The following COL12A1 variants were observed in gnomAD, a reference collection of about 807,000 sequenced individuals.
The protein encoded by COL12A1 is collagen alpha-1(XII) chain.
COL12A1 carries 114 observed loss-of-function variants against 349.7 expected under a neutral mutation model. That is an observed-to-expected ratio of 0.33 (90% confidence interval 0.28 to 0.38). The LOEUF (loss-of-function observed/expected upper bound fraction) is 0.38. Ranked by LOEUF, COL12A1 falls within the 10% of genes least tolerant of loss-of-function variation. COL12A1 has a pLI of 1.00. For synonymous variants in COL12A1, 1,369 were observed against 1,329.0 expected (o/e 1.03, Z -0.66); for missense variants, 3,284 against 3,756.9 (o/e 0.87, Z 3.29).
intron 11 of COL12A1, among the ~76,000 whole-genome samples, chr6:75,180,363 A>G (rs1156438587): frequency 6.6e-6 from 1 of 152,052 alleles, no homozygotes; most frequent in Non-Finnish European, 1.5e-5. Context: ...GAAGGAGGGA[A>G]TGGGGAGTTA....
At chr6:75,105,619 C>A (rs10046165) in intron 53 of COL12A1, among the ~76,000 whole-genome samples, 5,863 of 152,124 alleles carry the variant, frequency 0.039, 382 homozygotes, top group African/African-American at 0.13. Flanking sequence ...ATCCAAAATT[C>A]TTTCCTCTTT....
chr6:75,127,572 C>T (rs182672884), intron 38 of COL12A1, among the ~76,000 whole-genome samples: 2 of 152,262 alleles, frequency 1.3e-5, no homozygotes, highest in African/African-American at 4.8e-5. Context: ...TTCATCCTAC[C>T]TTTATGCTAA....
At chr6:75,160,114 CATT>C (rs759818534) in intron 14 of COL12A1, among the ~76,000 whole-genome samples, 12 of 150,370 alleles carry the variant, frequency 8.0e-5, no homozygotes, top group Admixed American at 1.3e-4. Context: ...ATTTTTACAT[CATT>C]GATTGGATAC....
intron 12 of COL12A1, among the ~76,000 whole-genome samples, 169 bp from the exon 13 acceptor site, chr6:75,175,479 C>T (rs974631282): frequency 1.3e-5 from 2 of 152,212 alleles, no homozygotes; most frequent in African/African-American, 4.8e-5. Context: ...ATCTCTGAAT[C>T]AGACCCTATA....
Position 75,175,121 on chromosome 6 carries a change from C to A in COL12A1, c.2627G>T (p.Gly876Val). 6.2e-7 allele frequency: 1 copy of A among 1,614,124 alleles called. No individual in the cohort carries two copies. Among genetic ancestry groups the A allele is most frequent in the Non-Finnish European group, 8.5e-7 (1 of 1,180,028 alleles). The change falls in exon 13 of 66, where the codon GGG (glycine) becomes GTG (valine). Residue 876 changes from glycine (G) to valine (V), a missense_variant. Coordinates refer to ENST00000322507, the MANE Select transcript of COL12A1 (RefSeq NM_004370.6). ...TNTVLQGLKEGTQYALSVTAL... is the reference protein window; with the variant it reads ...TNTVLQGLKEVTQYALSVTAL... ...TGTCACAGATAAGGCGTATTGTGTC[C>A]CTTCCTTCAATCCCTGCAGCACCGT...
intron 57 of COL12A1, 29 bp from the exon 58 acceptor site, chr6:75,101,682 CATT>C (rs1274658509): frequency 1.2e-6 from 2 of 1,605,586 alleles, no homozygotes; most frequent in Non-Finnish European, 1.7e-6. Flanking sequence ...ACAAGTGAAA[CATT>C]ATAATATACT....
chr6:75,086,647 A>C, intron 65 of COL12A1, 90 bp from the exon 66 acceptor site: 1 of 512,194 alleles, frequency 2.0e-6, no homozygotes, highest in Non-Finnish European at 3.0e-6. Flanking sequence ...TAATGGTTAA[A>C]GTATATATAT....
intron 49 of COL12A1, among the ~76,000 whole-genome samples, chr6:75,114,703 G>C (rs922949287): frequency 3.3e-5 from 5 of 152,004 alleles, no homozygotes; most frequent in Non-Finnish European, 7.4e-5. Context: ...AAGCTGACAT[G>C]ATGTCTTTTA....
At chr6:75,203,916 C>T (rs1429942786) in intron 1 of COL12A1, among the ~76,000 whole-genome samples, 4 of 152,144 alleles carry the variant, frequency 2.6e-5, no homozygotes, top group East Asian at 3.9e-4. Context: ...GACTGTCCTG[C>T]GTCGGAATGC....
chr6:75,097,333 G>A, intron 58 of COL12A1, 27 bp from the exon 59 acceptor site: 5 of 1,591,464 alleles, frequency 3.1e-6, no homozygotes, highest in Non-Finnish European at 4.3e-6. Context: ...AGTAATTACA[G>A]TTAGGGAGGT....
chr6:75,198,894 C>T (rs1294136094), intron 2 of COL12A1, among the ~76,000 whole-genome samples: 1 of 152,102 alleles, frequency 6.6e-6, no homozygotes, highest in Non-Finnish European at 1.5e-5. Flanking sequence ...AAGGATACTA[C>T]CTTAATAGGA....
intron 10 of COL12A1, among the ~76,000 whole-genome samples, chr6:75,182,365 C>T (rs555607766): frequency 6.6e-6 from 1 of 152,044 alleles, no homozygotes. Context: ...CCCCCAGCCC[C>T]CCCACCTTCC....
intron 27 of COL12A1, among the ~76,000 whole-genome samples, chr6:75,139,795 A>G (rs1315875172): frequency 6.6e-6 from 1 of 152,198 alleles, no homozygotes; most frequent in East Asian, 1.9e-4. Flanking sequence ...ATGACTGCTG[A>G]AATCCCCTTT....
At chr6:75,103,446 G>A (rs796283432) in intron 55 of COL12A1, among the ~76,000 whole-genome samples, 5 of 152,278 alleles carry the variant, frequency 3.3e-5, no homozygotes, top group African/African-American at 9.6e-5. Context: ...GCTCTCTAGC[G>A]GGTCTCTGCT....
chr6:75,180,571 C>CATATATATAT (rs1014346865), intron 11 of COL12A1, among the ~76,000 whole-genome samples: 7 of 150,840 alleles, frequency 4.6e-5, no homozygotes, highest in African/African-American at 1.7e-4. Flanking sequence ...CCTATATATA[C>CATATATATAT]ATATATATAT....
chr6:75,185,144 A>T (rs1769543454), intron 8 of COL12A1, among the ~76,000 whole-genome samples: 1 of 152,232 alleles, frequency 6.6e-6, no homozygotes, highest in Non-Finnish European at 1.5e-5. Context: ...AAGAAAAAGG[A>T]ATAAAAAGCA....
At chr6:75,153,659 C>G (rs1315692131) in intron 17 of COL12A1, among the ~76,000 whole-genome samples, 1 of 152,026 alleles carries the variant, frequency 6.6e-6, no homozygotes, top group Non-Finnish European at 1.5e-5. Flanking sequence ...AGGAAATAAG[C>G]CCTTACAAGC....
chr6:75,101,016 C>T (rs1195354110), intron 58 of COL12A1, among the ~76,000 whole-genome samples: 1 of 152,108 alleles, frequency 6.6e-6, no homozygotes, highest in African/African-American at 2.4e-5. Flanking sequence ...CACCATGCTT[C>T]TTATTAACTT....
In COL12A1 at chr6:75,177,904, T is replaced by C. The variant is rs770644269; in HGVS notation, c.2196A>G (p.Thr732=). 6.8e-6 allele frequency: 11 copies of C among 1,611,948 alleles called. No individual in the cohort carries two copies. In the East Asian group the frequency reaches 2.2e-4, roughly 33 times the overall value. The change falls in exon 12 of 66, where the codon ACA becomes ACG. Residue 732 remains threonine, a synonymous_variant. Coordinates refer to ENST00000322507, the MANE Select transcript of COL12A1 (RefSeq NM_004370.6). The stretch of plus-strand genomic sequence containing the variant: ...TTTTGAAACTATCTGTAGTCTCATC[T>C]GTCACCTTTAGGTTTCGAGGTGCTC... ...VKGAPRNLKV[T]DETTDSFKIT...
Sources: allele counts gnomAD v4.1 joint callset (sites outside exome capture counted in the v4.1 genomes callset), GRCh38; gene constraint gnomAD v4.1.1; transcripts MANE v1.5; gene names NCBI Gene and HGNC (gene_info 2026-07-23, HGNC 2026-07-21).